The following PCDH9 variants were observed in gnomAD, a reference collection of about 807,000 sequenced individuals.
PCDH9 encodes the protein protocadherin-9.
A neutral mutation model predicts 70.6 loss-of-function variants in PCDH9; 24 were observed. That is an observed-to-expected ratio of 0.34 (90% CI 0.25 to 0.48). The LOEUF is 0.48. Ranked by LOEUF, PCDH9 falls within the 20% of genes least tolerant of loss-of-function variation. PCDH9 has a pLI of 0.99. For synonymous variants in PCDH9, 562 were observed against 558.5 expected (o/e 1.01, Z -0.09); for missense variants, 1,281 against 1,503.6 (o/e 0.85, Z 2.45).
intron 4 of PCDH9, among the ~76,000 whole-genome samples, chr13:66,349,841 T>C (rs1956266579): frequency 6.6e-6 from 1 of 152,176 alleles, no homozygotes; most frequent in Non-Finnish European, 1.5e-5. Context: ...GCTAGGGAAC[T>C]ACTACTATGC....
intron 3 of PCDH9, among the ~76,000 whole-genome samples, chr13:66,857,781 T>C (rs1285534342): frequency 6.6e-6 from 1 of 152,162 alleles, no homozygotes; most frequent in Non-Finnish European, 1.5e-5. Context: ...GCTTCATAGA[T>C]CATTTTGTCC....
At chr13:66,425,205 C>A (rs1315418734) in intron 4 of PCDH9, among the ~76,000 whole-genome samples, 1 of 151,456 alleles carries the variant, frequency 6.6e-6, no homozygotes, top group Non-Finnish European at 1.5e-5. Context: ...AACATTTGAT[C>A]TCTCTCTCTC....
intron 4 of PCDH9, among the ~76,000 whole-genome samples, chr13:66,360,294 A>G (rs1025590246): frequency 6.6e-6 from 1 of 152,110 alleles, no homozygotes; most frequent in African/African-American, 2.4e-5. Context: ...GGCAGGTTGT[A>G]AGTTTAATAA....
chr13:66,377,576 T>C (rs1392300578), intron 4 of PCDH9, among the ~76,000 whole-genome samples: 1 of 152,184 alleles, frequency 6.6e-6, no homozygotes, highest in Non-Finnish European at 1.5e-5. Flanking sequence ...AACCACTTGG[T>C]TGGCTGTCCA....
chr13:66,307,451 G>T (rs115334876), intron 4 of PCDH9, among the ~76,000 whole-genome samples: 4 of 151,976 alleles, frequency 2.6e-5, no homozygotes, highest in Non-Finnish European at 1.5e-5. Context: ...TACACCAAAT[G>T]CTTCCTCAAC....
At chr13:67,017,108 G>A (rs2084578702) in intron 2 of PCDH9, among the ~76,000 whole-genome samples, 1 of 152,168 alleles carries the variant, frequency 6.6e-6, no homozygotes, top group South Asian at 2.1e-4. Flanking sequence ...TCGAGCAAAT[G>A]TGTATCATAC....
rs370134396 is a variant in PCDH9 at position 66,700,321 on chromosome 13, G to A, written c.3139-68910C>T. Among the ~76,000 whole-genome samples, 5 of 152,148 alleles carry A rather than the reference G, an allele frequency of 3.3e-5. No individual in the cohort carries two copies. In the East Asian group the frequency reaches 5.8e-4, roughly 18 times the overall value. ...AACATAATGAGACAGAAGCCGACAAGAGGTCCTGCAGAAAAAAACCAGTGT... is the reference window on the plus strand; with the variant it reads ...AACATAATGAGACAGAAGCCGACAAAAGGTCCTGCAGAAAAAAACCAGTGT... On this transcript the variant is annotated intron_variant, in intron 3 of 4. Transcript: ENST00000377865.
chr13:66,852,785 T>C (rs972824813), intron 3 of PCDH9, among the ~76,000 whole-genome samples: 19 of 150,046 alleles, frequency 1.3e-4, no homozygotes, highest in African/African-American at 2.3e-4. Flanking sequence ...CGGTGTACCA[T>C]GTAATCTCTA....
At chr13:66,695,612 C>T (rs1207807932) in intron 3 of PCDH9, among the ~76,000 whole-genome samples, 2 of 152,164 alleles carry the variant, frequency 1.3e-5, no homozygotes, top group East Asian at 3.8e-4. Context: ...TGTGCTATCC[C>T]TATCTTAAAA....
At chr13:66,921,724 A>G (rs952104077) in intron 2 of PCDH9, among the ~76,000 whole-genome samples, 2 of 151,400 alleles carry the variant, frequency 1.3e-5, no homozygotes. Flanking sequence ...CCACGTATAC[A>G]AAAAGTAGTT....
chr13:66,631,465 G>A, intron 3 of PCDH9, 54 bp from the exon 4 acceptor site: 2 of 1,033,612 alleles, frequency 1.9e-6, no homozygotes, highest in Non-Finnish European at 3.0e-6. Flanking sequence ...AATAAAACAG[G>A]CCTAGTGGAA....
At chr13:66,617,925 T>C (rs1214432517) in intron 4 of PCDH9, among the ~76,000 whole-genome samples, 3 of 152,188 alleles carry the variant, frequency 2.0e-5, no homozygotes, top group Non-Finnish European at 4.4e-5. Flanking sequence ...CAGTTAGATG[T>C]ACTTCTTTAG....
At chr13:67,085,425 A>G (rs901165452) in intron 2 of PCDH9, among the ~76,000 whole-genome samples, 1 of 152,234 alleles carries the variant, frequency 6.6e-6, no homozygotes, top group Non-Finnish European at 1.5e-5. Flanking sequence ...GTATGTAGGC[A>G]TATTACCGTA....
intron 3 of PCDH9, among the ~76,000 whole-genome samples, chr13:66,729,422 A>C (rs9317607): frequency 0.13 from 20,150 of 152,102 alleles, 1,451 homozygotes; most frequent in African/African-American, 0.18. Context: ...TTAAAAATTC[A>C]TATATTTTGC....
At chr13:66,439,616 A>G (rs1957937459) in intron 4 of PCDH9, among the ~76,000 whole-genome samples, 1 of 152,196 alleles carries the variant, frequency 6.6e-6, no homozygotes, top group Non-Finnish European at 1.5e-5. Flanking sequence ...AGCATCCAAT[A>G]AATGGTAGCT....
chr13:66,613,601 T>C (rs1361250207), intron 4 of PCDH9, among the ~76,000 whole-genome samples: 1 of 151,562 alleles, frequency 6.6e-6, no homozygotes, highest in Non-Finnish European at 1.5e-5. Context: ...AGTAACCACT[T>C]GGCAAAGCTT....
intron 4 of PCDH9, among the ~76,000 whole-genome samples, chr13:66,464,462 A>T (rs1272336027): frequency 1.3e-5 from 2 of 151,924 alleles, no homozygotes; most frequent in South Asian, 4.1e-4. Flanking sequence ...TCTCCCTGCT[A>T]TGAGAGAACC....
At chr13:66,966,375 T>C (rs940783894) in intron 2 of PCDH9, among the ~76,000 whole-genome samples, 7 of 152,106 alleles carry the variant, frequency 4.6e-5, no homozygotes, top group East Asian at 1.9e-4. Context: ...CTGTGGGTGA[T>C]GAAAACAATT....
At chr13:66,805,679 T>A (rs17081881) in intron 3 of PCDH9, among the ~76,000 whole-genome samples, 13,362 of 152,114 alleles carry the variant, frequency 0.088, 1,919 homozygotes, top group African/African-American at 0.3. Context: ...AAAAATAGAA[T>A]TGTTGATATA....
Sources: allele counts gnomAD v4.1 joint callset (sites outside exome capture counted in the v4.1 genomes callset), GRCh38; gene constraint gnomAD v4.1.1; transcripts MANE v1.5; gene names NCBI Gene and HGNC (gene_info 2026-07-23, HGNC 2026-07-21).